NR1H4: variants seen among roughly 807,000 people sequenced by gnomAD.
NR1H4 encodes bile acid receptor.
Under a neutral mutation model 58.5 loss-of-function variants are expected in NR1H4, and 23 were observed. The observed-to-expected ratio is 0.39, with a 90% CI of 0.28 to 0.56. NR1H4 has a LOEUF of 0.56. Among genes scored for constraint, NR1H4 ranks in the 20% least tolerant of loss-of-function variants. The pLI is 0.58. For missense variants in NR1H4, 487 were observed against 576.9 expected (o/e 0.84, Z 1.60); for synonymous variants, 214 against 198.0 (o/e 1.08, Z -0.68).
At position 100,545,899 on chromosome 12, in the gene NR1H4, A is replaced by G. The variant is rs140030232; in HGVS notation, c.1078+5081A>G. 1.7e-3 allele frequency among the ~76,000 whole-genome samples: 261 copies of G among 152,224 alleles called. 1 individual carries two copies. The highest frequency in any genetic ancestry group is 4.7e-3 in the African/African-American group (197 of 41,544). On this transcript the variant is annotated intron_variant, in intron 9 of 10. Coordinates refer to ENST00000392986, the MANE Select transcript of NR1H4 (RefSeq NM_001206979.2). ...GCAGGTGGAGTCCAGGAGACTGTAC[A>G]CTACTATGCTGATCTGACACCTGTG...
At chr12:100,478,016 G>A (rs1593029940) in intron 1 of NR1H4, among the ~76,000 whole-genome samples, 1 of 152,136 alleles carries the variant, frequency 6.6e-6, no homozygotes, top group African/African-American at 2.4e-5. Context: ...GTGGGTACAT[G>A]TTATTATACA....
chr12:100,496,662 G>A (rs912543040), intron 3 of NR1H4, among the ~76,000 whole-genome samples: 10 of 152,178 alleles, frequency 6.6e-5, no homozygotes, highest in African/African-American at 2.4e-4. Context: ...TCCACGTCAG[G>A]AAGTGGTGAC....
intron 10 of NR1H4, among the ~76,000 whole-genome samples, chr12:100,562,374 TA>T (rs574754477): frequency 1.2e-3 from 190 of 152,218 alleles, no homozygotes; most frequent in Admixed American, 3.5e-3. Flanking sequence ...AATGAGAATA[TA>T]AAGAAAGAGA....
At chr12:100,548,370 TAA>T (rs11304340) in intron 9 of NR1H4, among the ~76,000 whole-genome samples, 7,051 of 137,474 alleles carry the variant, frequency 0.051, 335 homozygotes, top group South Asian at 0.14. Context: ...CCATCTCAAT[TAA>T]AAAAAAAAAA....
At chr12:100,531,345 G>T (rs1191840119) in intron 4 of NR1H4, among the ~76,000 whole-genome samples, 1 of 152,122 alleles carries the variant, frequency 6.6e-6, no homozygotes, top group Non-Finnish European at 1.5e-5. Flanking sequence ...CATCCTAGCT[G>T]CTCCAGAGGG....
At chr12:100,503,567 G>T in intron 3 of NR1H4, 1 of 1,419,818 alleles carries the variant, frequency 7.0e-7, no homozygotes. Flanking sequence ...GGGGACTTTG[G>T]TTGGAGATGA....
At chr12:100,484,725 C>T (rs1953454044) in intron 1 of NR1H4, among the ~76,000 whole-genome samples, 1 of 152,178 alleles carries the variant, frequency 6.6e-6, no homozygotes, top group Admixed American at 6.5e-5. Flanking sequence ...GAATGTTTCT[C>T]CTTCTTTTAC....
intron 9 of NR1H4, among the ~76,000 whole-genome samples, chr12:100,545,201 G>C (rs111538316): frequency 0.01 from 1,547 of 152,176 alleles, 24 homozygotes; most frequent in African/African-American, 0.035. Flanking sequence ...CCATTTCCAT[G>C]ATGACCACTG....
chr12:100,497,620 T>C (rs992396134), intron 3 of NR1H4, among the ~76,000 whole-genome samples: 5 of 152,124 alleles, frequency 3.3e-5, no homozygotes, highest in African/African-American at 1.2e-4. Context: ...AGGACACAGT[T>C]ACCACACAGA....
chr12:100,496,354 G>C lies in NR1H4; in HGVS notation c.79+2952G>C, dbSNP rs567619373. Among the ~76,000 whole-genome samples, 6 of 152,278 alleles carry C rather than the reference G, an allele frequency of 3.9e-5. No individual in the cohort carries two copies. In the South Asian group the frequency reaches 1.2e-3, roughly 32 times the overall value. On this transcript the variant is annotated intron_variant, in intron 3 of 10. Coordinates refer to ENST00000392986, the MANE Select transcript of NR1H4 (RefSeq NM_001206979.2). ...GTGATGGGCTGCTCTAAGTGGTATA[G>C]TCAGGAAAGGCCCCTGAGGAGTCCA...
chr12:100,508,120 C>T (rs1438294056), intron 3 of NR1H4, among the ~76,000 whole-genome samples: 6 of 152,006 alleles, frequency 3.9e-5, no homozygotes, highest in Admixed American at 6.6e-5. Context: ...ACCTAGAAAC[C>T]TCTTCTGTTG....
At chr12:100,508,748 G>A (rs531961296) in intron 3 of NR1H4, among the ~76,000 whole-genome samples, 1 of 152,152 alleles carries the variant, frequency 6.6e-6, no homozygotes, top group Admixed American at 6.5e-5. Context: ...TATAGTAATC[G>A]TTTCAACTAT....
At chr12:100,529,217 T>C (rs533286012) in intron 4 of NR1H4, among the ~76,000 whole-genome samples, 20 of 152,316 alleles carry the variant, frequency 1.3e-4, no homozygotes, top group African/African-American at 4.6e-4. Context: ...TCTCTAACTT[T>C]TCCTTCAGCC....
At chr12:100,554,737 C>A (rs35739) in intron 9 of NR1H4, among the ~76,000 whole-genome samples, 43 of 151,858 alleles carry the variant, frequency 2.8e-4, no homozygotes, top group Non-Finnish European at 5.3e-4. Flanking sequence ...GTCATTCAAG[C>A]GAAAATGAAG....
rs780529420 is a variant in NR1H4, at chr12:100,561,934, T to C, written c.1128T>C (p.Ile376=). 1.9e-5 allele frequency: 29 copies of C among 1,565,134 alleles called. No homozygotes were observed. Among genetic ancestry groups the C allele is most frequent in the Non-Finnish European group, 2.4e-5 (27 of 1,135,646 alleles). The change falls in exon 10 of 11, where the codon ATT becomes ATC. Residue 376 remains isoleucine (I), a synonymous_variant. Transcript: ENST00000392986. The part of the protein sequence containing the change: ...ITPMFSFYKS[I]GELKMTQEEY... Reference sequence around the variant, plus strand: ...CTATGTTTAGTTTTTATAAAAGTATTGGGGAACTGAAAATGACTCAAGAGG... The same window carrying C: ...CTATGTTTAGTTTTTATAAAAGTATCGGGGAACTGAAAATGACTCAAGAGG...
At chr12:100,479,909 G>A (rs569851277) in intron 1 of NR1H4, among the ~76,000 whole-genome samples, 4 of 152,144 alleles carry the variant, frequency 2.6e-5, no homozygotes, top group Non-Finnish European at 5.9e-5. Flanking sequence ...TCACATCTCA[G>A]TTCGAATGTC....
intron 1 of NR1H4, among the ~76,000 whole-genome samples, chr12:100,488,223 C>A (rs1041490928): frequency 1.3e-5 from 2 of 152,136 alleles, no homozygotes; most frequent in East Asian, 3.9e-4. Context: ...TGGTCTTGAA[C>A]TCCCGACCTC....
At chr12:100,514,117 A>T (rs1954203125) in intron 4 of NR1H4, among the ~76,000 whole-genome samples, 2 of 152,190 alleles carry the variant, frequency 1.3e-5, no homozygotes. Context: ...TTTTAGCACT[A>T]ACATGAATTG....
intron 1 of NR1H4, among the ~76,000 whole-genome samples, chr12:100,485,500 T>C (rs774991284): frequency 4.6e-5 from 7 of 152,214 alleles, no homozygotes; most frequent in South Asian, 2.1e-4. Context: ...TTTATTCATA[T>C]GAATACATCT....
Sources: allele counts gnomAD v4.1 joint callset (sites outside exome capture counted in the v4.1 genomes callset), GRCh38; gene constraint gnomAD v4.1.1; transcripts MANE v1.5; gene names NCBI Gene and HGNC (gene_info 2026-07-23, HGNC 2026-07-21).